CDC14B: variants seen among roughly 807,000 people sequenced by gnomAD.
CDC14B encodes the protein cell division cycle 14B.
Under a neutral mutation model 64.2 loss-of-function variants are expected in CDC14B, and 22 were observed. The ratio of observed to expected loss-of-function variants is 0.34; its 90% confidence interval spans 0.24 to 0.49. CDC14B has a LOEUF of 0.49. CDC14B is among the 20% of genes least tolerant of loss of function. CDC14B has a pLI of 0.99. For missense variants in CDC14B, 498 were observed against 629.9 expected (o/e 0.79, Z 2.24); for synonymous variants, 191 against 215.8 (o/e 0.89, Z 1.01).
At chr9:96,559,672 T>C (rs1046753364) in intron 4 of CDC14B, among the ~76,000 whole-genome samples, 2 of 152,228 alleles carry the variant, frequency 1.3e-5, no homozygotes, top group Non-Finnish European at 2.9e-5. Context: ...ATTCCTATTT[T>C]AGCAGCCAGC....
intron 1 of CDC14B, among the ~76,000 whole-genome samples, chr9:96,572,607 G>C (rs1309046652): frequency 6.6e-6 from 1 of 151,966 alleles, no homozygotes; most frequent in Non-Finnish European, 1.5e-5. Flanking sequence ...AAATACAAAT[G>C]GTCAATAGCA....
intron 1 of CDC14B, among the ~76,000 whole-genome samples, chr9:96,592,324 C>T (rs889449794): frequency 1.8e-4 from 28 of 152,150 alleles, no homozygotes; most frequent in African/African-American, 6.8e-4. Context: ...GTGATCCACT[C>T]GCCTCTGCCT....
chr9:96,496,115 G>A (rs1447540332), downstream of CDC14B: 8 of 358,780 alleles, frequency 2.2e-5, no homozygotes, highest in South Asian at 1.0e-4. Flanking sequence ...GTGTCAGCCC[G>A]GCCATTCCCA....
At chr9:96,559,384 C>CA (rs1842875579) in intron 4 of CDC14B, among the ~76,000 whole-genome samples, 1 of 152,114 alleles carries the variant, frequency 6.6e-6, no homozygotes, top group African/African-American at 2.4e-5. Context: ...CATGCCAAGT[C>CA]GAACACTAAA....
chr9:96,539,227 GC>G, intron 6 of CDC14B, 87 bp from the exon 7 acceptor site: 4 of 922,644 alleles, frequency 4.3e-6, no homozygotes, highest in South Asian at 2.8e-5. Context: ...AATATCAGGG[GC>G]CCCCCAAGAA....
At chr9:96,542,019 C>T in intron 5 of CDC14B, 127 bp from the exon 6 acceptor site, 6 of 517,898 alleles carry the variant, frequency 1.2e-5, no homozygotes, top group East Asian at 9.4e-5. Flanking sequence ...AAAAAAATCT[C>T]GCCTTTTGAC....
chr9:96,575,833 CA>C (rs992471221), intron 1 of CDC14B, among the ~76,000 whole-genome samples: 1 of 151,754 alleles, frequency 6.6e-6, no homozygotes, highest in African/African-American at 2.4e-5. Context: ...AAAAACAAAC[CA>C]AAAAACCCCA....
At chr9:96,528,299 A>G (rs1837893009) in intron 9 of CDC14B, among the ~76,000 whole-genome samples, 1 of 152,112 alleles carries the variant, frequency 6.6e-6, no homozygotes, top group South Asian at 2.1e-4. Context: ...AGGCGGGTGG[A>G]CTACTTGAGG....
intron 1 of CDC14B, among the ~76,000 whole-genome samples, chr9:96,618,017 T>G (rs1847746354): frequency 6.6e-6 from 1 of 152,158 alleles, no homozygotes; most frequent in African/African-American, 2.4e-5. Flanking sequence ...CGGGGACTGG[T>G]ACTCAGGGCA....
In CDC14B at chr9:96,540,715, G is replaced by A. The variant is rs1051972680; in HGVS notation, c.564+1111C>T. Among the ~76,000 whole-genome samples the A allele has an allele frequency of 1.4e-4, 21 of 152,096 alleles. No individual in the cohort carries two copies. In the Middle Eastern group the frequency reaches 0.014, roughly 99 times the overall value. ...TCTCTTTTTAAAGGTGAGTGTGCCT[G>A]CCTGCATGAGCCCACCTGGCAGGGG... On this transcript the variant is annotated intron_variant, in intron 6 of 13. Transcript: ENST00000375241.
chr9:96,606,081 C>T (rs936786879), intron 1 of CDC14B, among the ~76,000 whole-genome samples: 5 of 151,756 alleles, frequency 3.3e-5, no homozygotes. Flanking sequence ...TGCCTGTAAT[C>T]CCAGCACTTT....
intron 6 of CDC14B, among the ~76,000 whole-genome samples, chr9:96,539,845 T>C (rs1182807542): frequency 6.6e-6 from 1 of 152,184 alleles, no homozygotes; most frequent in Admixed American, 6.5e-5. Flanking sequence ...CAAACAGACC[T>C]AGCAGCCTCT....
intron 1 of CDC14B, among the ~76,000 whole-genome samples, chr9:96,585,543 G>A (rs1010982649): frequency 6.6e-6 from 1 of 152,248 alleles, no homozygotes; most frequent in South Asian, 2.1e-4. Flanking sequence ...CAGTATCAGG[G>A]AAATGCAAAT....
At chr9:96,590,914 G>C (rs1845754032) in intron 1 of CDC14B, among the ~76,000 whole-genome samples, 1 of 152,064 alleles carries the variant, frequency 6.6e-6, no homozygotes, top group Admixed American at 6.6e-5. Flanking sequence ...ATCTTCTTTA[G>C]AAAACTGTTG....
chr9:96,504,967 G>A (rs1170562800), intron 13 of CDC14B, among the ~76,000 whole-genome samples: 1 of 152,156 alleles, frequency 6.6e-6, no homozygotes, highest in Non-Finnish European at 1.5e-5. Context: ...CTAAGGTTAG[G>A]AGTCAAGACC....
At chr9:96,545,985 G>C (rs1840763509) in intron 5 of CDC14B, among the ~76,000 whole-genome samples, 1 of 152,184 alleles carries the variant, frequency 6.6e-6, no homozygotes, top group South Asian at 2.1e-4. Context: ...TTGGGCAGTG[G>C]GGAGGGATCC....
intron 1 of CDC14B, chr9:96,618,844 A>C: frequency 3.1e-6 from 1 of 318,158 alleles, no homozygotes; most frequent in Non-Finnish European, 6.0e-6. Flanking sequence ...GCGAGGGCCA[A>C]CCGGGCTCGC....
chr9:96,516,234 A>G (rs1198416901), intron 12 of CDC14B, among the ~76,000 whole-genome samples: 1 of 152,226 alleles, frequency 6.6e-6, no homozygotes, highest in Non-Finnish European at 1.5e-5. Context: ...AGGCACAACT[A>G]AAAATGAACG....
chr9:96,535,884 G>A (rs1387914631), intron 7 of CDC14B, among the ~76,000 whole-genome samples: 1 of 152,078 alleles, frequency 6.6e-6, no homozygotes, highest in Admixed American at 6.6e-5. Flanking sequence ...GTCCAGCCAG[G>A]GCAACACAGT....
Sources: gnomAD v4.1 joint callset for allele counts (sites outside exome capture counted in the v4.1 genomes callset) on GRCh38, gnomAD v4.1.1 for gene constraint, MANE v1.5 for transcripts, NCBI Gene and HGNC (gene_info 2026-07-23, HGNC 2026-07-21) for gene names.